Variants in TNN observed in about 807,000 individuals in gnomAD.
TNN encodes the protein tenascin-N.
In TNN, 122 loss-of-function variants were observed where a neutral mutation model predicts 134.4. The ratio of observed to expected loss-of-function variants is 0.91; its 90% CI spans 0.78 to 1.06. TNN has a LOEUF of 1.06. Among genes scored for constraint, TNN ranks in the 50% least tolerant of loss-of-function variants. The pLI, the probability that TNN is intolerant of heterozygous loss-of-function variation, is 0.00. For synonymous variants in TNN, 710 were observed against 670.3 expected (o/e 1.06, Z -0.91); for missense variants, 1,739 against 1,699.4 (o/e 1.02, Z -0.41).
chr1:175,145,552 C>CAAAAAAAAAAAAAAA (rs3028580), intron 18 of TNN, among the ~76,000 whole-genome samples: 1,603 of 28,870 alleles, frequency 0.056, 481 homozygotes, highest in Non-Finnish European at 0.069. Context: ...GACCCTGTCT[C>CAAAAAAAAAAAAAAA]AAAAAAAAAA....
chr1:175,145,421 C>T (rs1480713628), intron 18 of TNN, among the ~76,000 whole-genome samples: 4 of 151,484 alleles, frequency 2.6e-5, no homozygotes, highest in Non-Finnish European at 5.9e-5. Context: ...GGCATTATGG[C>T]GTGCACTTGT....
At chr1:175,116,078 T>C (rs1286668630) in intron 9 of TNN, among the ~76,000 whole-genome samples, 1 of 152,182 alleles carries the variant, frequency 6.6e-6, no homozygotes, top group Non-Finnish European at 1.5e-5. Context: ...TTTATTCTTT[T>C]AGTTGTTTTT....
At chr1:175,068,246 G>A (rs1574134461) in intron 1 of TNN, among the ~76,000 whole-genome samples, 1 of 152,044 alleles carries the variant, frequency 6.6e-6, no homozygotes, top group African/African-American at 2.4e-5. Context: ...TGTATAAAAT[G>A]TTTCCTTTAA....
At chr1:175,110,324 C>A (rs1674988331) in intron 9 of TNN, among the ~76,000 whole-genome samples, 1 of 152,184 alleles carries the variant, frequency 6.6e-6, no homozygotes, top group South Asian at 2.1e-4. Flanking sequence ...TAGGTTGTCT[C>A]TGCATTCTGT....
chr1:175,120,656 G>A (rs1231936689), intron 11 of TNN, among the ~76,000 whole-genome samples: 1 of 152,150 alleles, frequency 6.6e-6, no homozygotes, highest in Non-Finnish European at 1.5e-5. Context: ...ATGTTCCATT[G>A]CCAGGTCCCA....
intron 4 of TNN, among the ~76,000 whole-genome samples, chr1:175,082,881 G>A (rs1028900842): frequency 1.3e-5 from 2 of 152,106 alleles, no homozygotes; most frequent in African/African-American, 2.4e-5. Flanking sequence ...GTTGGAATTT[G>A]AAGTGCTTCT....
At chr1:175,083,981 G>A (rs563458326) in intron 5 of TNN, 46 bp downstream of exon 5, 3 of 1,590,964 alleles carry the variant, frequency 1.9e-6, no homozygotes, top group East Asian at 2.2e-5. Flanking sequence ...TGGATGCAGA[G>A]GTGGGGATAG....
intron 9 of TNN, among the ~76,000 whole-genome samples, chr1:175,110,373 A>T (rs2149436894): frequency 6.6e-6 from 1 of 152,272 alleles, no homozygotes; most frequent in East Asian, 1.9e-4. Context: ...TTTCAGCTTG[A>T]TGTATTTCCA....
At chr1:175,146,281 C>A (rs191929153) in intron 18 of TNN, among the ~76,000 whole-genome samples, 2 of 152,276 alleles carry the variant, frequency 1.3e-5, no homozygotes, top group Admixed American at 1.3e-4. Context: ...CTGTTTAATG[C>A]GCTTTTCACA....
In TNN at chr1:175,094,093, C is replaced by A; in HGVS notation, c.1428C>A (p.Arg476=). Residue 476 remains arginine (R), a synonymous_variant, in exon 7 of 19, where the codon CGC becomes CGA. Coordinates refer to ENST00000239462, the MANE Select transcript of TNN (RefSeq NM_022093.2). ...CTGTCATAGACAAGTATGTAGTGCG[C>A]TACACTTCTGCTGATGGGGACACCA... is the stretch of plus-strand genomic sequence containing the variant. ...VQAVIDKYVV[R]YTSADGDTKE... 1 of 1,614,176 alleles carries A rather than the reference C, an allele frequency of 6.2e-7. No homozygotes were observed. Among genetic ancestry groups the A allele is most frequent in the Non-Finnish European group, 8.5e-7 (1 of 1,180,034 alleles).
chr1:175,112,694 T>A (rs1574161270), intron 9 of TNN, among the ~76,000 whole-genome samples: 1 of 140,152 alleles, frequency 7.1e-6, no homozygotes, highest in East Asian at 2.5e-4. Context: ...CTCGGCTCAC[T>A]GCAACCTCTG....
At chr1:175,089,822 C>A (rs1439010839) in intron 6 of TNN, among the ~76,000 whole-genome samples, 1 of 152,172 alleles carries the variant, frequency 6.6e-6, no homozygotes, top group African/African-American at 2.4e-5. Flanking sequence ...TGTGAAATAG[C>A]AGTTTTGCTT....
Position 175,109,030 on chromosome 1 carries a change from T to C in TNN, c.2120-7909T>C, listed in dbSNP as rs533898557. ...GCACGCTGTCACCTCTTAATCCTAC[T>C]GTGCTATCAAACACTAGAATGTATT... is the stretch of plus-strand genomic sequence containing the variant. On this transcript the variant is annotated intron_variant, in intron 9 of 18. Transcript: ENST00000239462. 9.3e-5 allele frequency among the ~76,000 whole-genome samples: 14 copies of C among 150,862 alleles called. No individual in the cohort carries two copies. In the South Asian group the frequency reaches 2.9e-3, roughly 32 times the overall value.
At chr1:175,098,067 T>C (rs1034534665) in intron 8 of TNN, among the ~76,000 whole-genome samples, 1 of 152,212 alleles carries the variant, frequency 6.6e-6, no homozygotes, top group African/African-American at 2.4e-5. Context: ...GGTTGTGATG[T>C]GCCATATGCT....
At chr1:175,113,519 C>T (rs1389217340) in intron 9 of TNN, among the ~76,000 whole-genome samples, 4 of 152,142 alleles carry the variant, frequency 2.6e-5, no homozygotes, top group African/African-American at 9.7e-5. Flanking sequence ...GACAACTTGA[C>T]TATAATATAC....
rs943485758 is a variant in TNN at position 175,080,280 on chromosome 1, A to C, written c.902A>C (p.Glu301Ala). Reference sequence around the variant, plus strand: ...CTCAGCTACTACCCCCTGGGGAAGGAGCTCTCTGGGAAGCAGATCCAAGTG... The same window carrying C: ...CTCAGCTACTACCCCCTGGGGAAGGCGCTCTCTGGGAAGCAGATCCAAGTG... Reference protein sequence around the residue: ...YLLSYYPLGKELSGKQIQVPK... With the variant: ...YLLSYYPLGKALSGKQIQVPK... Residue 301 changes from glutamate (E) to alanine (A), a missense_variant, in exon 4 of 19, where the codon GAG becomes GCG. Coordinates refer to ENST00000239462, the MANE Select transcript of TNN (RefSeq NM_022093.2). The C allele has an allele frequency of 6.2e-7, 1 of 1,614,124 alleles. No individual in the cohort carries two copies. Among genetic ancestry groups the C allele is most frequent in the African/African-American group, 1.3e-5 (1 of 75,020 alleles).
intron 7 of TNN, among the ~76,000 whole-genome samples, chr1:175,096,850 C>A (rs1233063595): frequency 1.3e-5 from 2 of 152,128 alleles, no homozygotes; most frequent in East Asian, 3.8e-4. Flanking sequence ...CAGGTTCTAA[C>A]CCACTTTAAT....
chr1:175,083,163 C>A (rs1052454893), intron 4 of TNN, among the ~76,000 whole-genome samples: 5 of 152,112 alleles, frequency 3.3e-5, no homozygotes, highest in Admixed American at 1.3e-4. Flanking sequence ...TCAGATGGAC[C>A]AAGTTAAAAT....
chr1:175,088,927 A>T (rs748658304), intron 6 of TNN, among the ~76,000 whole-genome samples: 12 of 152,146 alleles, frequency 7.9e-5, no homozygotes, highest in Non-Finnish European at 1.8e-4. Context: ...TTTGTTTCTG[A>T]GGTCTGAGAG....
Sources: gnomAD v4.1 joint callset for allele counts (sites outside exome capture counted in the v4.1 genomes callset) on GRCh38, gnomAD v4.1.1 for gene constraint, MANE v1.5 for transcripts, NCBI Gene and HGNC (gene_info 2026-07-23, HGNC 2026-07-21) for gene names.